PALM2AKAP2: variants seen among roughly 807,000 people sequenced by gnomAD.
PALM2AKAP2 encodes PALM2-AKAP2 fusion protein.
In PALM2AKAP2, 37 loss-of-function variants were observed where a neutral mutation model predicts 71.5. That is an observed-to-expected ratio of 0.52 (90% confidence interval 0.40 to 0.68). The LOEUF (loss-of-function observed/expected upper bound fraction) is 0.68, where lower values mean the gene tolerates loss of function less well. Ranked by LOEUF, PALM2AKAP2 falls within the 30% of genes least tolerant of loss-of-function variation. PALM2AKAP2 has a pLI of 0.00. For synonymous variants in PALM2AKAP2, 468 were observed against 478.8 expected, an observed-to-expected ratio of 0.98 and a Z score of 0.29; for missense variants, 1,224 against 1,191.8, an observed-to-expected ratio of 1.03 and a Z score of -0.40.
chr9:109,753,578 A>G (rs1371787037), intron 1 of PALM2AKAP2, among the ~76,000 whole-genome samples: 1 of 152,192 alleles, frequency 6.6e-6, no homozygotes, highest in Non-Finnish European at 1.5e-5. Flanking sequence ...AGCCACGTTG[A>G]CAGTTTCTGA....
chr9:110,016,668 G>A (rs1230642111), intron 7 of PALM2AKAP2, among the ~76,000 whole-genome samples: 1 of 152,132 alleles, frequency 6.6e-6, no homozygotes, highest in Non-Finnish European at 1.5e-5. Context: ...GTTATCAGAG[G>A]TGCCACCATT....
chr9:109,905,000 A>G (rs1414185056), intron 3 of PALM2AKAP2, among the ~76,000 whole-genome samples: 1 of 152,160 alleles, frequency 6.6e-6, no homozygotes, highest in Non-Finnish European at 1.5e-5. Context: ...CGTGTGAATC[A>G]TTTTGTATCT....
At chr9:109,827,476 G>A (rs1828184519) in intron 1 of PALM2AKAP2, among the ~76,000 whole-genome samples, 1 of 152,096 alleles carries the variant, frequency 6.6e-6, no homozygotes, top group Non-Finnish European at 1.5e-5. Flanking sequence ...AGGCATGGTG[G>A]GGTATGCCTG....
At chr9:109,837,095 A>T (rs1828501946) in intron 1 of PALM2AKAP2, among the ~76,000 whole-genome samples, 1 of 152,312 alleles carries the variant, frequency 6.6e-6, no homozygotes, top group South Asian at 2.1e-4. Context: ...ACCAAAGTTG[A>T]AATGAAGGAA....
intron 3 of PALM2AKAP2, among the ~76,000 whole-genome samples, chr9:109,883,274 C>T (rs984804853): frequency 5.9e-5 from 9 of 152,224 alleles, no homozygotes; most frequent in African/African-American, 2.2e-4. Flanking sequence ...TCAATGTATG[C>T]AGGCAGTCTC....
chr9:109,718,849 G>T (rs1461641523), intron 1 of PALM2AKAP2, among the ~76,000 whole-genome samples: 1 of 152,104 alleles, frequency 6.6e-6, no homozygotes, highest in African/African-American at 2.4e-5. Context: ...TCCATGTGTG[G>T]TCCCTTTTCC....
rs183842564 is a variant in PALM2AKAP2 at position 109,807,584 on chromosome 9, A to C, written c.45+27051A>C. 9.0e-3 allele frequency among the ~76,000 whole-genome samples: 1,372 copies of C among 151,636 alleles called. 28 individuals carry two copies. The highest frequency in any genetic ancestry group is 0.032 in the African/African-American group (1,329 of 41,314). On this transcript the variant is annotated intron_variant, in intron 1 of 9. Transcript: ENST00000302798. ...CTTTTTTTTTTTTTTGTCTGAAAGA[A>C]TTCCAATATTATGAGCATGTAATAT... is the stretch of plus-strand genomic sequence containing the variant.
intron 1 of PALM2AKAP2, among the ~76,000 whole-genome samples, chr9:109,836,136 G>C (rs1828469587): frequency 6.6e-6 from 1 of 152,192 alleles, no homozygotes; most frequent in African/African-American, 2.4e-5. Context: ...CCCCAGTAGG[G>C]GCAGACTGAC....
intron 1 of PALM2AKAP2, among the ~76,000 whole-genome samples, chr9:109,859,311 T>C (rs761693144): frequency 1.0e-3 from 154 of 152,270 alleles, no homozygotes; most frequent in Middle Eastern, 3.4e-3. Flanking sequence ...GGTTGGTTAA[T>C]GGGTACAATT....
chr9:110,141,713 A>T (rs1487751292), intron 2 of PALM2AKAP2, among the ~76,000 whole-genome samples: 1 of 152,194 alleles, frequency 6.6e-6, no homozygotes, highest in Non-Finnish European at 1.5e-5. Flanking sequence ...TGACTCCACT[A>T]GTTTGTTGTG....
intron 1 of PALM2AKAP2, among the ~76,000 whole-genome samples, chr9:109,861,953 C>T (rs572094474): frequency 6.6e-6 from 1 of 152,274 alleles, no homozygotes; most frequent in Admixed American, 6.5e-5. Context: ...GAGGATAGTA[C>T]ACTCAGAGAT....
intron 1 of PALM2AKAP2, among the ~76,000 whole-genome samples, chr9:109,763,494 G>A (rs977302515): frequency 2.6e-5 from 4 of 152,034 alleles, no homozygotes; most frequent in Non-Finnish European, 5.9e-5. Flanking sequence ...AACTGTTTGG[G>A]GTGCCAAATG....
chr9:109,881,672 C>T (rs906477416), intron 3 of PALM2AKAP2, among the ~76,000 whole-genome samples: 3 of 152,098 alleles, frequency 2.0e-5, no homozygotes, highest in African/African-American at 7.2e-5. Context: ...CAGGCTCACA[C>T]AAGAGCAATA....
intron 1 of PALM2AKAP2, among the ~76,000 whole-genome samples, chr9:109,861,399 C>T (rs939045791): frequency 1.3e-5 from 2 of 152,138 alleles, no homozygotes; most frequent in African/African-American, 4.8e-5. Flanking sequence ...TCATTCTCTA[C>T]GGGTGCTCTT....
chr9:110,005,849 T>C (rs1832770094), intron 6 of PALM2AKAP2, among the ~76,000 whole-genome samples: 2 of 152,230 alleles, frequency 1.3e-5, no homozygotes, highest in Admixed American at 1.3e-4. Context: ...AATCTCCTGG[T>C]GTGCCGTTTG....
intron 7 of PALM2AKAP2, among the ~76,000 whole-genome samples, chr9:110,027,802 C>T (rs1173737149): frequency 6.6e-6 from 1 of 152,164 alleles, no homozygotes; most frequent in East Asian, 1.9e-4. Flanking sequence ...TTTCTTTGGC[C>T]TTTGCTTTTA....
exon 4 of PALM2AKAP2, chr9:110,172,352 A>G (rs1461733419): frequency 2.6e-5 from 4 of 152,594 alleles, no homozygotes; most frequent in African/African-American, 9.7e-5. Flanking sequence ...AAAAGCAGCA[A>G]TACTGTGTTT....
chr9:110,085,269 T>G (rs1834544193), intron 1 of PALM2AKAP2, among the ~76,000 whole-genome samples: 1 of 152,108 alleles, frequency 6.6e-6, no homozygotes, highest in Non-Finnish European at 1.5e-5. Flanking sequence ...TTAAAGAGAA[T>G]GTGTACAAAG....
intron 1 of PALM2AKAP2, among the ~76,000 whole-genome samples, chr9:109,688,423 G>A (rs1052859731): frequency 6.6e-6 from 1 of 152,228 alleles, no homozygotes; most frequent in African/African-American, 2.4e-5. Flanking sequence ...GTGGCATTCA[G>A]AGCCTTGCTC....
Sources: gnomAD v4.1 joint callset for allele counts (sites outside exome capture counted in the v4.1 genomes callset) on GRCh38, gnomAD v4.1.1 for gene constraint, MANE v1.5 for transcripts, NCBI Gene and HGNC (gene_info 2026-07-23, HGNC 2026-07-21) for gene names.